The following RORA variants were observed in gnomAD, a reference collection of about 807,000 sequenced individuals.
RORA encodes RAR related orphan receptor A.
Under a neutral mutation model 69.5 loss-of-function variants are expected in RORA, and 7 were observed. That is an observed-to-expected ratio of 0.10 (90% CI 0.06 to 0.19). RORA has a LOEUF of 0.19. RORA is among the 10% of genes least tolerant of loss of function. RORA has a pLI of 1.00. For synonymous variants in RORA, 261 were observed against 240.8 expected, an observed-to-expected ratio of 1.08 and a Z score of -0.78; for missense variants, 457 against 663.0, an observed-to-expected ratio of 0.69 and a Z score of 3.41.
At chr15:60,791,865 C>A (rs1265572382) in intron 1 of RORA, among the ~76,000 whole-genome samples, 1 of 151,896 alleles carries the variant, frequency 6.6e-6, no homozygotes, top group African/African-American at 2.4e-5. Context: ...AGGGTCTCTG[C>A]AACAATCATT....
At chr15:60,564,825 T>G (rs2067670747) in intron 2 of RORA, among the ~76,000 whole-genome samples, 1 of 152,172 alleles carries the variant, frequency 6.6e-6, no homozygotes, top group African/African-American at 2.4e-5. Context: ...AGTATTGATA[T>G]TTAAATATCT....
chr15:60,623,815 T>A (rs1413072324), intron 2 of RORA, among the ~76,000 whole-genome samples: 3 of 152,234 alleles, frequency 2.0e-5, no homozygotes, highest in Non-Finnish European at 4.4e-5. Flanking sequence ...ATCAAAACTA[T>A]TGGTTGATCA....
In RORA at chr15:60,575,292, T is replaced by C. The variant is rs114416697; in HGVS notation, c.197-43441A>G. 5.2e-3 allele frequency among the ~76,000 whole-genome samples: 788 copies of C among 152,320 alleles called. 3 individuals carry two copies. Among genetic ancestry groups the C allele is most frequent in the African/African-American group, 0.018 (757 of 41,560 alleles). On this transcript the variant is annotated intron_variant, in intron 2 of 10. Coordinates refer to ENST00000335670, the MANE Select transcript of RORA (RefSeq NM_134261.3). ...CAGGTCATTCAAAAGCCAATGGCTA[T>C]AAAGCAAGAAAACAATCCTGTAAAG...
intron 1 of RORA, among the ~76,000 whole-genome samples, chr15:61,106,576 C>A (rs1253807825): frequency 6.6e-6 from 1 of 152,144 alleles, no homozygotes; most frequent in Non-Finnish European, 1.5e-5. Context: ...CCCCATGAAG[C>A]CTTCCTTAAC....
intron 1 of RORA, among the ~76,000 whole-genome samples, chr15:61,040,131 T>G (rs868225539): frequency 1.5e-4 from 13 of 87,936 alleles, no homozygotes; most frequent in Middle Eastern, 5.4e-3. Flanking sequence ...TATATATATA[T>G]ATATATATAT....
At chr15:61,038,686 T>A (rs1483347455) in intron 1 of RORA, 1 of 152,218 alleles carries the variant, frequency 6.6e-6, no homozygotes, top group East Asian at 1.9e-4. Flanking sequence ...CAATAAACAG[T>A]CCAATCAAAA....
intron 1 of RORA, among the ~76,000 whole-genome samples, chr15:61,027,352 C>A (rs1895877617): frequency 6.6e-6 from 1 of 152,206 alleles, no homozygotes; most frequent in African/African-American, 2.4e-5. Flanking sequence ...TGGAGCCATT[C>A]ATTTGCCCAT....
At chr15:60,768,008 G>A (rs2072015984) in intron 1 of RORA, among the ~76,000 whole-genome samples, 1 of 152,198 alleles carries the variant, frequency 6.6e-6, no homozygotes, top group African/African-American at 2.4e-5. Flanking sequence ...TCCATGCAGG[G>A]TGGCCTATGG....
At chr15:60,849,779 G>A (rs1298241233) in intron 1 of RORA, among the ~76,000 whole-genome samples, 1 of 152,204 alleles carries the variant, frequency 6.6e-6, no homozygotes, top group African/African-American at 2.4e-5. Context: ...TGTACACAAG[G>A]ATGGTTTTGT....
chr15:60,523,846 A>AT (rs1291027747), intron 3 of RORA, among the ~76,000 whole-genome samples: 1 of 151,982 alleles, frequency 6.6e-6, no homozygotes, highest in Non-Finnish European at 1.5e-5. Flanking sequence ...TAATTTTTAA[A>AT]TTTTTTGTAG....
intron 2 of RORA, among the ~76,000 whole-genome samples, chr15:60,574,802 C>T (rs1403226829): frequency 6.6e-6 from 1 of 152,122 alleles, no homozygotes; most frequent in Non-Finnish European, 1.5e-5. Flanking sequence ...GCCCAAGATC[C>T]ATCAGCTAAT....
At chr15:60,707,339 TTTATTTATTTA>T (rs2071077551) in intron 1 of RORA, among the ~76,000 whole-genome samples, 1 of 101,624 alleles carries the variant, frequency 9.8e-6, no homozygotes, top group African/African-American at 5.0e-5. Context: ...CTTTATTTTA[TTTATTTATTTA>T]TTTATTTATT....
At chr15:60,696,425 C>A (rs2070906623) in intron 1 of RORA, among the ~76,000 whole-genome samples, 1 of 152,174 alleles carries the variant, frequency 6.6e-6, no homozygotes, top group South Asian at 2.1e-4. Flanking sequence ...GCCAAATCCC[C>A]TCTAGCTGCT....
chr15:60,707,334 T>TTTTTTTTA (rs1555447513), intron 1 of RORA, among the ~76,000 whole-genome samples: 5 of 136,122 alleles, frequency 3.7e-5, no homozygotes, highest in South Asian at 2.5e-4. Context: ...TATTTCTTTA[T>TTTTTTTTA]TTTATTTATT....
At chr15:61,035,148 TAAC>T (rs776250582) in intron 1 of RORA, among the ~76,000 whole-genome samples, 3 of 152,194 alleles carry the variant, frequency 2.0e-5, no homozygotes, top group Non-Finnish European at 2.9e-5. Flanking sequence ...TGTGTTCTGT[TAAC>T]AACTCATTTT....
chr15:61,099,313 G>A (rs1220044223), intron 1 of RORA, among the ~76,000 whole-genome samples: 1 of 152,192 alleles, frequency 6.6e-6, no homozygotes, highest in Non-Finnish European at 1.5e-5. Flanking sequence ...CAACCTCCCA[G>A]TGCAAAGTTT....
chr15:60,911,108 T>G (rs28631890), intron 1 of RORA, among the ~76,000 whole-genome samples: 64 of 109,804 alleles, frequency 5.8e-4, no homozygotes, highest in South Asian at 1.8e-3. Flanking sequence ...TTTTTTTTTG[T>G]ATTTTTAGTA....
In RORA at chr15:61,040,127, T is replaced by G. The variant is rs1195682813; in HGVS notation, c.166+188926A>C. On this transcript the variant is annotated intron_variant, in intron 1 of 10. Coordinates refer to ENST00000335670, the MANE Select transcript of RORA (RefSeq NM_134261.3). ...TCACAAGCTTTGATATATATATATATATATATATATATATATATATATATA... is the reference window on the plus strand; with the variant it reads ...TCACAAGCTTTGATATATATATATAGATATATATATATATATATATATATA... Among the ~76,000 whole-genome samples, 63 of 81,486 alleles carry G rather than the reference T, an allele frequency of 7.7e-4. 1 individual carries two copies. Among genetic ancestry groups the G allele is most frequent in the African/African-American group, 2.1e-3 (51 of 24,500 alleles). 53.5% of individuals were successfully genotyped at this position (81,486 alleles called of 152,430 possible).
intron 2 of RORA, among the ~76,000 whole-genome samples, chr15:60,559,415 T>C (rs1314081353): frequency 2.6e-5 from 4 of 152,210 alleles, no homozygotes; most frequent in Admixed American, 2.6e-4. Flanking sequence ...CCCAACCAGA[T>C]AACTAAGCTT....
Sources: allele counts gnomAD v4.1 joint callset (sites outside exome capture counted in the v4.1 genomes callset), GRCh38; gene constraint gnomAD v4.1.1; transcripts MANE v1.5; gene names NCBI Gene and HGNC (gene_info 2026-07-23, HGNC 2026-07-21).